Variants in APOE observed in about 807,000 individuals in gnomAD.
The protein encoded by APOE is apolipoprotein E3.
Under a neutral mutation model 13.1 loss-of-function variants are expected in APOE, and 10 were observed. The ratio of observed to expected loss-of-function variants is 0.76; its 90% CI spans 0.47 to 1.29. The LOEUF (loss-of-function observed/expected upper bound fraction) is 1.29. APOE is among the 50% of genes most tolerant of loss of function. The probability of loss-of-function intolerance (pLI) is 0.00; values close to 1 mark genes in which losing one functional copy is unlikely to be tolerated. For synonymous variants in APOE, 211 were observed against 207.1 expected (o/e 1.02, Z -0.16); for missense variants, 471 against 459.6 (o/e 1.02, Z -0.23).
rs1380820758 is a variant in APOE at position 44,909,001 on chromosome 19, G to A, written c.705G>A (p.Arg235=). 3 of 1,535,512 alleles carry A rather than the reference G, an allele frequency of 2.0e-6. 1 individual carries two copies. In the South Asian group the frequency reaches 3.6e-5, roughly 18 times the overall value. ...CCTGGGGCGAGCGGCTGCGCGCGCGGATGGAGGAGATGGGCAGCCGGACCC... is the reference window on the plus strand; with the variant it reads ...CCTGGGGCGAGCGGCTGCGCGCGCGAATGGAGGAGATGGGCAGCCGGACCC... The part of the protein sequence containing the change: ...AQAWGERLRA[R]MEEMGSRTRD... Residue 235 remains arginine (R), a synonymous_variant, in exon 4 of 4, where the codon CGG becomes CGA. Transcript: ENST00000252486.
chr19:44,909,041 G>A lies in APOE; in HGVS notation c.745G>A (p.Glu249Lys), dbSNP rs762906934. 8 of 1,552,582 alleles carry A rather than the reference G, an allele frequency of 5.2e-6. No homozygotes were observed. Among genetic ancestry groups the A allele is most frequent in the African/African-American group, 1.4e-5 (1 of 73,586 alleles). The part of the protein sequence containing the change: ...MGSRTRDRLD[E>K]VKEQVAEVRA... ...CAGCCGGACCCGCGACCGCCTGGAC[G>A]AGGTGAAGGAGCAGGTGGCGGAGGT... Residue 249 changes from glutamate to lysine, a missense_variant, in exon 4 of 4, where the codon GAG becomes AAG. Glu to Lys is a moderately conservative substitution (Grantham distance 56, BLOSUM62 1). Transcript: ENST00000252486.
chr19:44,908,056 T>A, intron 3 of APOE, 104 bp downstream of exon 3: 1 of 1,104,440 alleles, frequency 9.1e-7, no homozygotes, highest in South Asian at 1.3e-5. Context: ...GGGGCCTGGG[T>A]CTCTGCTGGT....
Position 44,907,443 on chromosome 19 carries a change from A to G in APOE, c.44-317A>G. 1 of 389,162 alleles carries G rather than the reference A, an allele frequency of 2.6e-6. No homozygotes were observed. The highest frequency in any genetic ancestry group is 4.9e-6 in the Non-Finnish European group (1 of 203,818). The allele number at this position is 389,162 out of a possible 1,614,324, so 24.1% of individuals were successfully genotyped here. ...GAGACCCTGTCTCTACTAAAAATACAAAAATTAGCCAGGCATGGTGCCACA... is the reference window on the plus strand; with the variant it reads ...GAGACCCTGTCTCTACTAAAAATACGAAAATTAGCCAGGCATGGTGCCACA... On this transcript the variant is annotated intron_variant, in intron 2 of 3. Transcript: ENST00000252486. This position sits in a 1 kb window ranked among gnomAD's most constrained non-coding sequence, Gnocchi z 4.1.
intron 3 of APOE, 120 bp from the exon 4 acceptor site, chr19:44,908,413 T>C (rs1282405727): frequency 2.0e-6 from 2 of 991,342 alleles, no homozygotes; most frequent in Non-Finnish European, 1.6e-6. Flanking sequence ...TCTCTCGGCC[T>C]CTGCCCCGTT....
rs777291619 is a variant in APOE at position 44,908,652 on chromosome 19, A to C, written c.356A>C (p.Gln119Pro). ...CTGTCCAAGGAGCTGCAGGCGGCGC[A>C]GGCCCGGCTGGGCGCGGACATGGAG... ...ARLSKELQAA[Q>P]ARLGADMEDV... The change falls in exon 4 of 4, where the codon CAG becomes CCG. Residue 119 changes from glutamine to proline, a missense_variant. Physicochemically the swap from Gln to Pro is moderately conservative, Grantham distance 76. Transcript: ENST00000252486. 39 of 1,593,992 alleles carry C rather than the reference A, an allele frequency of 2.4e-5. No homozygotes were observed. The African/African-American group carries it at 4.6e-4, about 19-fold the overall frequency.
Position 44,907,895 on chromosome 19 carries a change from CA to C in APOE, c.180del (p.Leu61CysfsTer18). ...RFWDYLRWVQTLSEQVQEELL... is the reference protein window; with the variant it reads ...RFWDYLRWVQXLSEQVQEELL... ...TGGGATTACCTGCGCTGGGTGCAGACACTGTCTGAGCAGGTGCAGGAGGAGC... is the reference window on the plus strand; with the variant it reads ...TGGGATTACCTGCGCTGGGTGCAGACCTGTCTGAGCAGGTGCAGGAGGAGC... On this transcript the variant is annotated frameshift_variant, in exon 3 of 4. Coordinates refer to ENST00000252486, the MANE Select transcript of APOE (RefSeq NM_000041.4). LOFTEE classifies it high-confidence loss of function. This position sits in a 1 kb window ranked among gnomAD's most constrained non-coding sequence, Gnocchi z 4.1. 1 of 1,614,030 alleles carries C rather than the reference CA, an allele frequency of 6.2e-7. No homozygotes were observed. The highest frequency in any genetic ancestry group is 8.5e-7 in the Non-Finnish European group (1 of 1,179,950).
chr19:44,909,357 G>A lies in APOE; in HGVS notation c.*107G>A, dbSNP rs1969894013. The A allele has an allele frequency of 1.9e-6, 2 of 1,047,254 alleles. No homozygotes were observed. Among genetic ancestry groups the A allele is most frequent in the Non-Finnish European group, 2.9e-6 (2 of 700,082 alleles). The allele number at this position is 1,047,254 out of a possible 1,614,324, so 64.9% of individuals were successfully genotyped here. ...CCGCCCCAGCCGTCCTCCTGGGGTG[G>A]ACCCTAGTTTAATAAAGATTCACCA... On this transcript the variant is annotated 3_prime_UTR_variant, in exon 4 of 4. Transcript: ENST00000252486.
rs1367830766 is a variant in APOE, at chr19:44,908,685, G to A, written c.389G>A (p.Cys130Tyr). The A allele has an allele frequency of 6.4e-7, 1 of 1,567,322 alleles. No individual in the cohort carries two copies. The change falls in exon 4 of 4, where the codon TGC becomes TAC. Residue 130 changes from cysteine to tyrosine, a missense_variant. Physicochemically the swap from Cys to Tyr is radical, Grantham distance 194. Transcript: ENST00000252486. ...CTGGGCGCGGACATGGAGGACGTGTGCGGCCGCCTGGTGCAGTACCGCGGC... is the reference window on the plus strand; with the variant it reads ...CTGGGCGCGGACATGGAGGACGTGTACGGCCGCCTGGTGCAGTACCGCGGC... ...ARLGADMEDV[C>Y]GRLVQYRGEV...
rs779569800 is a variant in APOE, at chr19:44,908,714, G to C, written c.418G>C (p.Val140Leu). 1 of 1,560,264 alleles carries C rather than the reference G, an allele frequency of 6.4e-7. No homozygotes were observed. Among genetic ancestry groups the C allele is most frequent in the East Asian group, 2.4e-5 (1 of 41,624 alleles). ...CGRLVQYRGE[V>L]QAMLGQSTEE... ...CCGCCTGGTGCAGTACCGCGGCGAG[G>C]TGCAGGCCATGCTCGGCCAGAGCAC... Residue 140 changes from valine to leucine, a missense_variant, in exon 4 of 4, where the codon GTG (valine) becomes CTG (leucine). Coordinates refer to ENST00000252486, the MANE Select transcript of APOE (RefSeq NM_000041.4).
Position 44,908,621 on chromosome 19 carries a change from G to A in APOE, c.325G>A (p.Ala109Thr), listed in dbSNP as rs1599953056. Residue 109 changes from alanine to threonine, a missense_variant, in exon 4 of 4, where the codon GCA (alanine) becomes ACA (threonine). Coordinates refer to ENST00000252486, the MANE Select transcript of APOE (RefSeq NM_000041.4). The stretch of plus-strand genomic sequence containing the variant: ...GACCCCGGTGGCGGAGGAGACGCGG[G>A]CACGGCTGTCCAAGGAGCTGCAGGC... ...QLTPVAEETR[A>T]RLSKELQAAQ... is the part of the protein sequence containing the mutation. The A allele has an allele frequency of 1.9e-6, 3 of 1,608,604 alleles. No individual in the cohort carries two copies. Among genetic ancestry groups the A allele is most frequent in the East Asian group, 2.2e-5 (1 of 44,600 alleles).
At chr19:44,906,891 GTTTT>G (rs1376102532) in intron 2 of APOE, 1 of 591,494 alleles carries the variant, frequency 1.7e-6, no homozygotes, top group Non-Finnish European at 3.0e-6. Flanking sequence ...TTGTTGTTTT[GTTTT>G]TTTGAGATGA....
In APOE at chr19:44,907,907, A is replaced by T; in HGVS notation, c.191A>T (p.Gln64Leu). Residue 64 changes from glutamine to leucine, a missense_variant, in exon 3 of 4, where the codon CAG (glutamine) becomes CTG (leucine). By Grantham distance (113) the Gln-to-Leu change is moderately radical. Coordinates refer to ENST00000252486, the MANE Select transcript of APOE (RefSeq NM_000041.4). The surrounding 1 kb of genome is among the most constrained non-coding windows in gnomAD (Gnocchi z 4.1). The part of the protein sequence containing the change: ...YLRWVQTLSE[Q>L]VQEELLSSQV... ...CGCTGGGTGCAGACACTGTCTGAGC[A>T]GGTGCAGGAGGAGCTGCTCAGCTCC... is the stretch of plus-strand genomic sequence containing the variant. 6.2e-7 allele frequency: 1 copy of T among 1,613,950 alleles called. No homozygotes were observed. The highest frequency in any genetic ancestry group is 8.5e-7 in the Non-Finnish European group (1 of 1,179,936).
Position 44,909,389 on chromosome 19 carries a change from A to G in APOE, c.*139A>G. On this transcript the variant is annotated 3_prime_UTR_variant, in exon 4 of 4. Transcript: ENST00000252486. The stretch of plus-strand genomic sequence containing the variant: ...GTTTAATAAAGATTCACCAAGTTTC[A>G]CGCATCTGCTGGCCTCCCCCTGTGA... 1.3e-6 allele frequency: 1 copy of G among 776,076 alleles called. No homozygotes were observed. Among genetic ancestry groups the G allele is most frequent in the Non-Finnish European group, 2.1e-6 (1 of 473,100 alleles). The allele number at this position is 776,076 out of a possible 1,614,324, so 48.1% of individuals were successfully genotyped here.
In APOE at chr19:44,908,826, T is replaced by C; in HGVS notation, c.530T>C (p.Leu177Pro). Residue 177 changes from leucine (L) to proline (P), a missense_variant, in exon 4 of 4, where the codon CTG becomes CCG. Transcript: ENST00000252486. The stretch of plus-strand genomic sequence containing the variant: ...GATGCCGATGACCTGCAGAAGCGCC[T>C]GGCAGTGTACCAGGCCGGGGCCCGC... ...LRDADDLQKR[L>P]AVYQAGAREG... 1 of 1,539,212 alleles carries C rather than the reference T, an allele frequency of 6.5e-7. No individual in the cohort carries two copies. Among genetic ancestry groups the C allele is most frequent in the Non-Finnish European group, 8.7e-7 (1 of 1,147,682 alleles).
At chr19:44,908,465 G>T in intron 3 of APOE, 68 bp from the exon 4 acceptor site, 4 of 1,530,424 alleles carry the variant, frequency 2.6e-6, no homozygotes, top group Non-Finnish European at 3.6e-6. Context: ...TCCCCATCTC[G>T]CCCGCCCCAT....
rs1044494692 is a variant in APOE at position 44,906,396 on chromosome 19, C to A, written c.-23-206C>A. ...AGATGGAATTTTCTATGGAGGCCGA[C>A]CTGGGGATGGGGAGATAAGAGAAGA... On this transcript the variant is annotated intron_variant, in intron 1 of 3. Transcript: ENST00000252486. The A allele has an allele frequency of 6.6e-6, 4 of 602,250 alleles. No individual in the cohort carries two copies. In the African/African-American group the frequency reaches 7.4e-5, roughly 11 times the overall value. The allele number at this position is 602,250 out of a possible 1,614,324, so 37.3% of individuals were successfully genotyped here. A position where few individuals can be genotyped will look rare whatever the true frequency, so the allele number is the denominator to read the frequency against.
rs960927187 is a variant in APOE, at chr19:44,909,326, C to T, written c.*76C>T. 7.2e-7 allele frequency: 1 copy of T among 1,386,508 alleles called. No homozygotes were observed. The highest frequency in any genetic ancestry group is 1.0e-6 in the Non-Finnish European group (1 of 994,796). The allele number at this position is 1,386,508 out of a possible 1,614,324, so 85.9% of individuals were successfully genotyped here. A position where few individuals can be genotyped will look rare whatever the true frequency, so the allele number is the denominator to read the frequency against. ...TCCGCGCAGCCTGCAGCGGGAGACC[C>T]TGTCCCCGCCCCAGCCGTCCTCCTG... On this transcript the variant is annotated 3_prime_UTR_variant, in exon 4 of 4. Transcript: ENST00000252486.
At chr19:44,905,921 C>T (rs772022603) in intron 1 of APOE, 80 bp downstream of exon 1, 27 of 1,295,346 alleles carry the variant, frequency 2.1e-5, no homozygotes, top group Non-Finnish European at 2.5e-5. Flanking sequence ...CCCTGGCCTC[C>T]AGGTAGTCTC....
At chr19:44,906,788 T>G in intron 2 of APOE, 121 bp downstream of exon 2, 1 of 994,424 alleles carries the variant, frequency 1.0e-6, no homozygotes, top group Non-Finnish European at 1.6e-6. Flanking sequence ...TGCTGCTTCC[T>G]GGCTCTGAAC....
Sources: allele counts gnomAD v4.1 joint callset, GRCh38; gene constraint gnomAD v4.1.1; non-coding constraint Gnocchi (gnomAD v3.1); transcripts MANE v1.5; gene names NCBI Gene and HGNC (gene_info 2026-07-23, HGNC 2026-07-21).